ITGA4: variants seen among roughly 807,000 people sequenced by gnomAD.
ITGA4 encodes the protein integrin alpha-4.
A neutral mutation model predicts 133.6 loss-of-function variants in ITGA4; 63 were observed. The ratio of observed to expected loss-of-function variants is 0.47; its 90% CI spans 0.38 to 0.58. The LOEUF is 0.58. ITGA4 is among the 20% of genes least tolerant of loss of function. The pLI is 0.00. For missense variants in ITGA4, 1,076 were observed against 1,252.7 expected (o/e 0.86, Z 2.13); for synonymous variants, 483 against 438.0 (o/e 1.10, Z -1.28).
intron 2 of ITGA4, among the ~76,000 whole-genome samples, chr2:181,464,958 T>TAAGA (rs1685377184): frequency 6.6e-6 from 1 of 152,158 alleles, no homozygotes. Context: ...TAGAAAATCT[T>TAAGA]TTTTATATAA....
At chr2:181,533,433 G>A (rs79248375) in intron 25 of ITGA4, among the ~76,000 whole-genome samples, 1 of 152,142 alleles carries the variant, frequency 6.6e-6, no homozygotes, top group East Asian at 1.9e-4. Flanking sequence ...TCTAGGTCTA[G>A]GTTTTCCATC....
chr2:181,510,504 G>T, intron 16 of ITGA4, among the ~76,000 whole-genome samples: 1 of 151,948 alleles, frequency 6.6e-6, no homozygotes, highest in East Asian at 1.9e-4. Context: ...GATGTGTCTG[G>T]GCATAGTAAA....
At position 181,537,697 on chromosome 2, in the gene ITGA4, T is replaced by A. The variant is rs977850581; in HGVS notation, c.*2170T>A. Reference sequence around the variant, plus strand: ...ATCTAGGTTAAATATTGATGTATTATGATGGTTGCAAAGTTTTTTTGTGTG... The same window carrying A: ...ATCTAGGTTAAATATTGATGTATTAAGATGGTTGCAAAGTTTTTTTGTGTG... On this transcript the variant is annotated 3_prime_UTR_variant, in exon 28 of 28. Transcript: ENST00000397033. 9.3e-6 allele frequency: 4 copies of A among 428,240 alleles called. No homozygotes were observed. Among genetic ancestry groups the A allele is most frequent in the African/African-American group, 8.4e-5 (4 of 47,692 alleles). 26.5% of individuals were successfully genotyped at this position (428,240 alleles called of 1,614,324 possible).
chr2:181,520,916 A>G (rs16867437), intron 17 of ITGA4, among the ~76,000 whole-genome samples: 17,504 of 152,088 alleles, frequency 0.12, 1,287 homozygotes, highest in East Asian at 0.22. Context: ...ATGTTCTTAA[A>G]CTCTGTCCTT....
intron 22 of ITGA4, 108 bp from the exon 23 acceptor site, chr2:181,529,433 C>G (rs1686896733): frequency 2.0e-6 from 1 of 509,218 alleles, no homozygotes; most frequent in Non-Finnish European, 3.5e-6. Flanking sequence ...ACCTCCACCA[C>G]TATAAATGTT....
chr2:181,508,444 C>A (rs146062429), intron 15 of ITGA4, among the ~76,000 whole-genome samples: 164 of 152,000 alleles, frequency 1.1e-3, no homozygotes, highest in African/African-American at 3.0e-3. Flanking sequence ...GCCTGTAATC[C>A]CAGCACTTTG....
At chr2:181,527,972 G>A (rs574152546) in intron 22 of ITGA4, among the ~76,000 whole-genome samples, 1 of 152,004 alleles carries the variant, frequency 6.6e-6, no homozygotes, top group Non-Finnish European at 1.5e-5. Flanking sequence ...AACATTTTTT[G>A]CTGTCAAACT....
intron 16 of ITGA4, among the ~76,000 whole-genome samples, chr2:181,511,483 A>G (rs891365922): frequency 9.2e-5 from 14 of 152,024 alleles, no homozygotes; most frequent in African/African-American, 2.7e-4. Context: ...AATTTTACCT[A>G]TTTAGAACTT....
In ITGA4 at chr2:181,531,770, A is replaced by T. The variant is rs775782555; in HGVS notation, c.2778A>T (p.Leu926Phe). 6.3e-7 allele frequency: 1 copy of T among 1,595,482 alleles called. No homozygotes were observed. Among genetic ancestry groups the T allele is most frequent in the Non-Finnish European group, 8.5e-7 (1 of 1,173,490 alleles). ...AACTGGAAGGCCGGCCATCCATTTT[A>T]GAAATGGTAAGTAAGTCTAAAACAT... is the stretch of plus-strand genomic sequence containing the variant. ...HIQLEGRPSILEMDETSALKF... is the reference protein window; with the variant it reads ...HIQLEGRPSIFEMDETSALKF... Residue 926 changes from leucine (L) to phenylalanine (F), a missense_variant, in exon 25 of 28, where the codon TTA (leucine) becomes TTT (phenylalanine). Transcript: ENST00000397033.
At chr2:181,469,619 A>G (rs1418402145) in intron 2 of ITGA4, among the ~76,000 whole-genome samples, 1 of 152,228 alleles carries the variant, frequency 6.6e-6, no homozygotes, top group Non-Finnish European at 1.5e-5. Context: ...ATTCACATGT[A>G]TGTTTATTGC....
Position 181,534,867 on chromosome 2 carries a change from G to A in ITGA4, c.2935G>A (p.Val979Met), listed in dbSNP as rs1345830418. 2 of 1,600,428 alleles carry A rather than the reference G, an allele frequency of 1.2e-6. No individual in the cohort carries two copies. The highest frequency in any genetic ancestry group is 1.4e-5 in the African/African-American group (1 of 73,826). The change falls in exon 27 of 28, where the codon GTG becomes ATG. Residue 979 changes from valine to methionine, a missense_variant. Val to Met is a conservative substitution (Grantham distance 21). Transcript: ENST00000397033. ...AAGACCCAAACGTTATTTCACCATAGTGATTATTTCAAGTAGCTTGCTACT... is the reference window on the plus strand; with the variant it reads ...AAGACCCAAACGTTATTTCACCATAATGATTATTTCAAGTAGCTTGCTACT... ...HQRPKRYFTI[V>M]IISSSLLLGL...
chr2:181,478,518 A>T (rs1438555510), intron 4 of ITGA4, among the ~76,000 whole-genome samples: 1 of 152,016 alleles, frequency 6.6e-6, no homozygotes, highest in Non-Finnish European at 1.5e-5. Context: ...AAATTTTTTG[A>T]GTATATGCTG....
chr2:181,514,447 T>C (rs539812242), intron 17 of ITGA4, among the ~76,000 whole-genome samples: 4 of 152,092 alleles, frequency 2.6e-5, no homozygotes, highest in Non-Finnish European at 5.9e-5. Flanking sequence ...TGATTGATGA[T>C]TGGATTTTAT....
Position 181,537,009 on chromosome 2 carries a change from GTGAGGAATGTTC to G in ITGA4, c.*1487_*1498del, listed in dbSNP as rs1305764436. On this transcript the variant is annotated 3_prime_UTR_variant, in exon 28 of 28. Transcript: ENST00000397033. ...ATCTGTTCACAGGCCTGCAGTGATG[GTGAGGAATGTTC>G]TGAGATTTGCGAAGGCATTTGAGTA... 2 of 447,878 alleles carry G rather than the reference GTGAGGAATGTTC, an allele frequency of 4.5e-6. No individual in the cohort carries two copies. The highest frequency in any genetic ancestry group is 2.0e-5 in the African/African-American group (1 of 49,718). The allele number at this position is 447,878 out of a possible 1,614,324, so 27.7% of individuals were successfully genotyped here.
At chr2:181,457,907 G>T in intron 1 of ITGA4, 56 bp downstream of exon 1, 2 of 1,474,360 alleles carry the variant, frequency 1.4e-6, no homozygotes. Flanking sequence ...TGAGAATGGC[G>T]CCCTAGGGAT....
At chr2:181,535,352 G>T in intron 27 of ITGA4, 80 bp from the exon 28 acceptor site, 1 of 1,089,806 alleles carries the variant, frequency 9.2e-7, no homozygotes, top group Non-Finnish European at 1.3e-6. Context: ...GGTGTTAACT[G>T]CTTAGATATT....
Position 181,538,503 on chromosome 2 carries a change from G to A in ITGA4, c.*2976G>A, listed in dbSNP as rs1207444981. Among the ~76,000 whole-genome samples, 1 of 25,274 alleles carries A rather than the reference G, an allele frequency of 4.0e-5. No homozygotes were observed. The highest frequency in any genetic ancestry group is 1.8e-4 in the African/African-American group (1 of 5,554). The allele number at this position is 25,274 out of a possible 152,430, so 16.6% of individuals were successfully genotyped here. ...TGTAAAACAGTCAGTTATGCCTCTA[G>A]AACACCCATGTCTAGTGGGCACCCC... On this transcript the variant is annotated 3_prime_UTR_variant, in exon 28 of 28. Coordinates refer to ENST00000397033, the MANE Select transcript of ITGA4 (RefSeq NM_000885.6).
At chr2:181,474,045 CA>C (rs2105725292) in intron 2 of ITGA4, among the ~76,000 whole-genome samples, 2 of 152,212 alleles carry the variant, frequency 1.3e-5, no homozygotes, top group East Asian at 3.9e-4. Context: ...AGAACAGATG[CA>C]ATAGAATTGT....
chr2:181,512,307 C>G (rs563512068), intron 17 of ITGA4, among the ~76,000 whole-genome samples: 7 of 152,066 alleles, frequency 4.6e-5, no homozygotes, highest in South Asian at 4.1e-4. Context: ...GGCAGGGAAA[C>G]GGGGAACTAT....
Sources: gnomAD v4.1 joint callset for allele counts (sites outside exome capture counted in the v4.1 genomes callset) on GRCh38, gnomAD v4.1.1 for gene constraint, MANE v1.5 for transcripts, NCBI Gene and HGNC (gene_info 2026-07-23, HGNC 2026-07-21) for gene names.